Variants in ZRANB1 observed in about 807,000 individuals in gnomAD.
The protein encoded by ZRANB1 is zinc finger RANBP2-type containing 1.
ZRANB1 carries 16 observed loss-of-function variants against 80.5 expected under a neutral mutation model. That is an observed-to-expected ratio of 0.20 (90% CI 0.13 to 0.30). The LOEUF is 0.30. Ranked by LOEUF, ZRANB1 falls within the 10% of genes least tolerant of loss-of-function variation. The pLI is 1.00. For synonymous variants in ZRANB1, 291 were observed against 293.1 expected, an observed-to-expected ratio of 0.99 and a Z score of 0.07; for missense variants, 576 against 862.6, an observed-to-expected ratio of 0.67 and a Z score of 4.16.
chr10:124,973,870 G>T (rs945263776), intron 4 of ZRANB1, among the ~76,000 whole-genome samples, 154 bp downstream of exon 4: 3 of 152,066 alleles, frequency 2.0e-5, no homozygotes, highest in African/African-American at 7.2e-5. Flanking sequence ...TATATTGTAT[G>T]GTTCACTGTT....
intron 1 of ZRANB1, among the ~76,000 whole-genome samples, chr10:124,947,677 C>T (rs111407563): frequency 1.6e-4 from 24 of 152,284 alleles, no homozygotes; most frequent in African/African-American, 5.8e-4. Context: ...TTCCCAGGCT[C>T]TCATCTTGGT....
rs781446044 is a variant in ZRANB1, at chr10:124,942,579, C to T, written c.86C>T (p.Ala29Val). ...PSAIKCTMCRAQRPSGTIITE... is the reference protein window; with the variant it reads ...PSAIKCTMCRVQRPSGTIITE... Reference sequence around the variant, plus strand: ...GCAATCAAGTGTACTATGTGTCGTGCCCAAAGACCTAGTGGAACAATTATT... The same window carrying T: ...GCAATCAAGTGTACTATGTGTCGTGTCCAAAGACCTAGTGGAACAATTATT... The change falls in exon 1 of 9, where the codon GCC (alanine) becomes GTC (valine). Residue 29 changes from alanine (A) to valine (V), a missense_variant. Physicochemically the swap from Ala to Val is moderately conservative, Grantham distance 64 (BLOSUM62 0). Around this residue, in one of 3 missense-constraint regions of ZRANB1, gnomAD observed 411 missense variants for 583.1 expected, o/e 0.70. Transcript: ENST00000359653. 1 of 1,614,070 alleles carries T rather than the reference C, an allele frequency of 6.2e-7. No individual in the cohort carries two copies. The highest frequency in any genetic ancestry group is 8.5e-7 in the Non-Finnish European group (1 of 1,180,024).
At chr10:124,922,972 A>G in the ZRANB1 span, among the ~76,000 whole-genome samples, 1 of 152,054 alleles carries the variant, frequency 6.6e-6, no homozygotes, top group African/African-American at 2.4e-5. Flanking sequence ...GTCTGGGTGT[A>G]TTAGTTTGTT....
chr10:124,943,408 C>T (rs1327405024), intron 1 of ZRANB1, 101 bp downstream of exon 1: 5 of 1,169,074 alleles, frequency 4.3e-6, no homozygotes, highest in Non-Finnish European at 5.9e-6. Context: ...TGGTCTTAGC[C>T]ACTTGCTTGA....
Position 124,974,211 on chromosome 10 carries a change from G to A in ZRANB1, c.1240G>A (p.Glu414Lys), listed in dbSNP as rs1476546944. 1 of 1,614,056 alleles carries A rather than the reference G, an allele frequency of 6.2e-7. No individual in the cohort carries two copies. The highest frequency in any genetic ancestry group is 8.5e-7 in the Non-Finnish European group (1 of 1,180,006). Residue 414 changes from glutamate (E) to lysine (K), a missense_variant, in exon 5 of 9, where the codon GAA (glutamate) becomes AAA (lysine). Physicochemically the swap from Glu to Lys is moderately conservative, Grantham distance 56. Coordinates refer to ENST00000359653, the MANE Select transcript of ZRANB1 (RefSeq NM_017580.3). ...AATCCATCGTACAGAATTAGAAGAA[G>A]AATCTCCAATTATTAACTGGTCCTT... ...DRDVQKELEE[E>K]SPIINWSLEL...
At position 124,943,240 on chromosome 10, in the gene ZRANB1, T is replaced by A. The variant is rs1951551998; in HGVS notation, c.747T>A (p.Phe249Leu). The change falls in exon 1 of 9, where the codon TTT becomes TTA. Residue 249 changes from phenylalanine to leucine, a missense_variant. This residue lies in a region of ZRANB1 where 411 missense variants were observed against 583.1 expected (regional missense o/e 0.70). Transcript: ENST00000359653. ...GCAAGGAGGAACTTGAAGTAGACTTTAAAAAACTAAAGCAAATTAAAAACA... is the reference window on the plus strand; with the variant it reads ...GCAAGGAGGAACTTGAAGTAGACTTAAAAAAACTAAAGCAAATTAAAAACA... ...VGSKEELEVDFKKLKQIKNRM... is the reference protein window; with the variant it reads ...VGSKEELEVDLKKLKQIKNRM... The A allele has an allele frequency of 2.5e-6, 4 of 1,614,142 alleles. No homozygotes were observed. Among genetic ancestry groups the A allele is most frequent in the Non-Finnish European group, 3.4e-6 (4 of 1,180,022 alleles).
the ZRANB1 span, among the ~76,000 whole-genome samples, chr10:124,936,146 C>T: frequency 4.0e-5 from 6 of 151,668 alleles, no homozygotes; most frequent in Admixed American, 2.0e-4. Context: ...ATGAGTCGGG[C>T]GTGTGTGGCA....
At chr10:124,939,574 C>T (rs79120087), upstream of ZRANB1, among the ~76,000 whole-genome samples, 12,381 of 152,180 alleles carry the variant, frequency 0.081, 690 homozygotes, top group Admixed American at 0.16. Flanking sequence ...CATAAGGTTA[C>T]GGGCTGTTTA....
At position 124,987,583 on chromosome 10, in the gene ZRANB1, A is replaced by G. The variant is rs1012643320; in HGVS notation, c.*2591A>G. On this transcript the variant is annotated 3_prime_UTR_variant, in exon 9 of 9. Transcript: ENST00000359653. The stretch of plus-strand genomic sequence containing the variant: ...TTTGATGAGTGGTTACGAAGACGTT[A>G]AACTACCTTTTTGTTCCCTGGGGTA... The G allele has an allele frequency of 6.6e-6, 1 of 152,170 alleles. No individual in the cohort carries two copies. The highest frequency in any genetic ancestry group is 1.5e-5 in the Non-Finnish European group (1 of 68,032). 9.4% of individuals were successfully genotyped at this position (152,170 alleles called of 1,614,324 possible).
At chr10:124,977,543 C>G (rs761765112) in intron 5 of ZRANB1, among the ~76,000 whole-genome samples, 1 of 151,422 alleles carries the variant, frequency 6.6e-6, no homozygotes, top group South Asian at 2.1e-4. Flanking sequence ...AACCCTGTCT[C>G]CACCAAAAAA....
chr10:124,962,436 TG>T (rs1951741312), intron 1 of ZRANB1: 1 of 981,942 alleles, frequency 1.0e-6, no homozygotes, highest in Admixed American at 6.2e-5. Flanking sequence ...TTTTACCATT[TG>T]GCATTCTTTT....
upstream of ZRANB1, among the ~76,000 whole-genome samples, chr10:124,941,298 C>T (rs555836662): frequency 3.3e-5 from 5 of 152,004 alleles, no homozygotes; most frequent in South Asian, 1.0e-3. Flanking sequence ...AGTGTTAGCC[C>T]ATTGTTGAAT....
Position 124,943,157 on chromosome 10 carries a change from C to T in ZRANB1, c.664C>T (p.Arg222Trp), listed in dbSNP as rs372066172. 2.7e-5 allele frequency: 44 copies of T among 1,613,974 alleles called. No homozygotes were observed. In the East Asian group the frequency reaches 4.2e-4, roughly 16 times the overall value. Residue 222 changes from arginine to tryptophan, a missense_variant, in exon 1 of 9, where the codon CGG (arginine) becomes TGG (tryptophan). Transcript: ENST00000359653. Reference protein sequence around the residue: ...SQRRSPPATKRDSEVKMDFQR... With the variant: ...SQRRSPPATKWDSEVKMDFQR... ...AAGGAGATCACCTCCTGCTACGAAG[C>T]GGGACTCTGAAGTGAAAATGGATTT...
upstream of ZRANB1, among the ~76,000 whole-genome samples, chr10:124,939,215 T>C (rs1951514067): frequency 6.6e-6 from 1 of 151,858 alleles, no homozygotes; most frequent in African/African-American, 2.4e-5. Context: ...TTTCCTTTTT[T>C]GTAGTGATGG....
chr10:124,929,343 CT>C, the ZRANB1 span, among the ~76,000 whole-genome samples: 262 of 140,600 alleles, frequency 1.9e-3, no homozygotes, highest in Admixed American at 2.1e-3. Flanking sequence ...GGCACAGATT[CT>C]TTTTTTTTTT....
At chr10:124,938,430 G>A (rs763449852), upstream of ZRANB1, among the ~76,000 whole-genome samples, 3 of 151,836 alleles carry the variant, frequency 2.0e-5, no homozygotes, top group Non-Finnish European at 4.4e-5. Flanking sequence ...GGGCTGAAGC[G>A]ATCCTCCTGC....
At chr10:124,924,816 T>C in the ZRANB1 span, among the ~76,000 whole-genome samples, 1 of 152,198 alleles carries the variant, frequency 6.6e-6, no homozygotes. Context: ...CTTGGGTATA[T>C]ACCTACAGAT....
chr10:124,975,984 GACA>G (rs2133989351), intron 5 of ZRANB1, among the ~76,000 whole-genome samples: 1 of 152,330 alleles, frequency 6.6e-6, no homozygotes, highest in South Asian at 2.1e-4. Flanking sequence ...CAGCCTGGGT[GACA>G]GAGTGAGACT....
chr10:124,986,476 T>G lies in ZRANB1; in HGVS notation c.*1484T>G, dbSNP rs1952046605. Reference sequence around the variant, plus strand: ...AAATACCCACAAAACTGTCATGTCTTTAGTTCTTTCCCCCCGAAAACTCAG... The same window carrying G: ...AAATACCCACAAAACTGTCATGTCTGTAGTTCTTTCCCCCCGAAAACTCAG... On this transcript the variant is annotated 3_prime_UTR_variant, in exon 9 of 9. Transcript: ENST00000359653. The G allele has an allele frequency of 6.6e-6, 1 of 152,192 alleles. No homozygotes were observed. 9.4% of individuals were successfully genotyped at this position (152,192 alleles called of 1,614,324 possible). A position where few individuals can be genotyped will look rare whatever the true frequency, so the allele number is the denominator to read the frequency against.
Sources: allele counts gnomAD v4.1 joint callset (sites outside exome capture counted in the v4.1 genomes callset), GRCh38; gene constraint gnomAD v4.1.1; regional missense constraint gnomAD v4.1.1; transcripts MANE v1.5; gene names NCBI Gene and HGNC (gene_info 2026-07-23, HGNC 2026-07-21).